ATAD2: variants seen among roughly 807,000 people sequenced by gnomAD.
The protein encoded by ATAD2 is ATPase family AAA domain containing 2, also known as ATPase family AAA domain-containing protein 2.
A neutral mutation model predicts 168.9 loss-of-function variants in ATAD2; 62 were observed. The observed-to-expected ratio is 0.37, with a 90% CI of 0.30 to 0.45. ATAD2 has a LOEUF of 0.45. ATAD2 is among the 20% of genes least tolerant of loss of function. The pLI is 1.00. For synonymous variants in ATAD2, 613 were observed against 571.6 expected (o/e 1.07, Z -1.03); for missense variants, 1,419 against 1,667.8 (o/e 0.85, Z 2.60).
In ATAD2 at chr8:123,380,345, G is replaced by A. The variant is rs549822077; in HGVS notation, c.320+184C>T. Among the ~76,000 whole-genome samples, 7 of 152,228 alleles carry A rather than the reference G, an allele frequency of 4.6e-5. No individual in the cohort carries two copies. The East Asian group carries it at 1.4e-3, about 29-fold the overall frequency. ...TGGGATTACAGGTGTGAGCCACCGT[G>A]CCTGGCCACGTATTAATTTTTAATT... On this transcript the variant is annotated intron_variant, in intron 2 of 27. Coordinates refer to ENST00000287394, the MANE Select transcript of ATAD2 (RefSeq NM_014109.4).
In ATAD2 at chr8:123,359,960, G is replaced by A. The variant is rs958662225; in HGVS notation, c.1158-275C>T. The stretch of plus-strand genomic sequence containing the variant: ...AGGCACCATAAAGTGATTCACGGTG[G>A]TGAAATCAGACAGTACTAACCTACA... On this transcript the variant is annotated intron_variant, in intron 9 of 27. Coordinates refer to ENST00000287394, the MANE Select transcript of ATAD2 (RefSeq NM_014109.4). Among the ~76,000 whole-genome samples, 13 of 152,244 alleles carry A rather than the reference G, an allele frequency of 8.5e-5. 1 individual carries two copies. The highest frequency in any genetic ancestry group is 2.6e-4 in the Admixed American group (4 of 15,286).
chr8:123,337,744 G>A lies in ATAD2; in HGVS notation c.2932C>T (p.Leu978=), dbSNP rs1367146087. 1.9e-6 allele frequency: 3 copies of A among 1,613,492 alleles called. No individual in the cohort carries two copies. The Admixed American group carries it at 5.0e-5, about 27-fold the overall frequency. The change falls in exon 21 of 28, where the codon CTA becomes TTA. Residue 978 remains leucine, a synonymous_variant. Transcript: ENST00000287394. The part of the protein sequence containing the change: ...RSLTAEEVKR[L]EEQEEDTFRE... ...AATGTATCTTCTTCTTGTTCTTCTA[G>A]TCGTTTCACTTCTTCTGCTGTCAGT...
intron 8 of ATAD2, among the ~76,000 whole-genome samples, chr8:123,362,159 G>A (rs575552531): frequency 1.3e-5 from 2 of 152,212 alleles, no homozygotes; most frequent in South Asian, 4.2e-4. Context: ...AGGTATGGTT[G>A]TAGCACATCT....
intron 12 of ATAD2, 97 bp downstream of exon 12, chr8:123,357,465 A>C: frequency 1.7e-6 from 2 of 1,192,394 alleles, no homozygotes; most frequent in Non-Finnish European, 2.2e-6. Context: ...TTCTGGGTTT[A>C]TTTAGAACAC....
At position 123,346,744 on chromosome 8, in the gene ATAD2, G is replaced by T; in HGVS notation, c.2219C>A (p.Ser740Tyr). Residue 740 changes from serine (S) to tyrosine (Y), a missense_variant, in exon 17 of 28, where the codon TCT becomes TAT. Physicochemically the swap from Ser to Tyr is moderately radical, Grantham distance 144. This residue lies in a region of ATAD2 where 545 missense variants were observed against 724.9 expected (regional missense o/e 0.75). Transcript: ENST00000287394. ...CAAGTCACTTTCTAGCAGAGGACAAGAAATATCTATAAAACCAAAAAATTG... is the reference window on the plus strand; with the variant it reads ...CAAGTCACTTTCTAGCAGAGGACAATAAATATCTATAAAACCAAAAAATTG... Reference protein sequence around the residue: ...RTNKTLDSDISCPLLESDLAY... With the variant: ...RTNKTLDSDIYCPLLESDLAY... The T allele has an allele frequency of 6.3e-7, 1 of 1,582,520 alleles. No homozygotes were observed. The highest frequency in any genetic ancestry group is 8.5e-7 in the Non-Finnish European group (1 of 1,171,270).
chr8:123,379,887 A>ATTTTTTTTT (rs769102696), intron 2 of ATAD2, among the ~76,000 whole-genome samples: 1 of 127,546 alleles, frequency 7.8e-6, no homozygotes, highest in African/African-American at 2.8e-5. Context: ...TATTATTATT[A>ATTTTTTTTT]TTATTTTTTT....
chr8:123,375,353 G>A (rs1829274741), intron 2 of ATAD2, among the ~76,000 whole-genome samples: 1 of 152,196 alleles, frequency 6.6e-6, no homozygotes, highest in East Asian at 1.9e-4. Context: ...CTGTTAAAAT[G>A]GCGAACACCA....
At chr8:123,354,864 A>AATATATATATATAT (rs1251736641) in intron 13 of ATAD2, among the ~76,000 whole-genome samples, 48 of 64,702 alleles carry the variant, frequency 7.4e-4, no homozygotes, top group African/African-American at 3.7e-3. Flanking sequence ...AAAAAAAAAA[A>AATATATATATATAT]ATATATATAT....
At chr8:123,324,937 T>A (rs1175625235) in intron 26 of ATAD2, among the ~76,000 whole-genome samples, 7 of 152,046 alleles carry the variant, frequency 4.6e-5, no homozygotes, top group African/African-American at 1.4e-4. Context: ...GGGCCAGGCA[T>A]GGTGGCTCAT....
At chr8:123,326,764 C>A (rs985572745) in intron 25 of ATAD2, among the ~76,000 whole-genome samples, 1 of 152,082 alleles carries the variant, frequency 6.6e-6, no homozygotes, top group East Asian at 1.9e-4. Flanking sequence ...TCACAGAGAC[C>A]AAGATTGTAT....
chr8:123,390,920 TGAGGCAGGAGAATTGCTTGAATCCAC>T (rs1829809207), intron 1 of ATAD2, among the ~76,000 whole-genome samples: 1 of 152,006 alleles, frequency 6.6e-6, no homozygotes, highest in Non-Finnish European at 1.5e-5. Flanking sequence ...CTCCGGAGGC[TGAGGCAGGAGAATTGCTTGAATCCAC>T]GAGGCAGAGG....
intron 17 of ATAD2, 34 bp from the exon 18 acceptor site, chr8:123,346,306 G>A: frequency 1.3e-6 from 2 of 1,506,520 alleles, no homozygotes; most frequent in African/African-American, 1.4e-5. Context: ...CTATGTTTTA[G>A]AAAAAACAGT....
In ATAD2 at chr8:123,344,344, C is replaced by CTT. The variant is rs764379399; in HGVS notation, c.2718+538_2718+539dup. Among the ~76,000 whole-genome samples the CTT allele has an allele frequency of 1.9e-3, 245 of 125,830 alleles. 3 individuals carry two copies. Among genetic ancestry groups the CTT allele is most frequent in the African/African-American group, 2.4e-3 (78 of 32,086 alleles). 82.5% of individuals were successfully genotyped at this position (125,830 alleles called of 152,430 possible). Reference sequence around the variant, plus strand: ...ATCATATACTCCCATTTTTTAAATACTTTTTTTTTTTTTTTTTTTTTGAGA... The same window carrying CTT: ...ATCATATACTCCCATTTTTTAAATACTTTTTTTTTTTTTTTTTTTTTTTGAGA... On this transcript the variant is annotated intron_variant, in intron 19 of 27. Coordinates refer to ENST00000287394, the MANE Select transcript of ATAD2 (RefSeq NM_014109.4).
Position 123,396,380 on chromosome 8 carries a change from C to T in ATAD2, c.-23G>A. On this transcript the variant is annotated 5_prime_UTR_variant, in exon 1 of 28. Transcript: ENST00000287394. ...CATCTTCTCTCCCTACTGGCCTCGG[C>T]GTGCGCGACCGGAGAGAGATCCAGC... is the stretch of plus-strand genomic sequence containing the variant. 1.3e-6 allele frequency: 2 copies of T among 1,542,520 alleles called. No homozygotes were observed. The highest frequency in any genetic ancestry group is 1.7e-6 in the Non-Finnish European group (2 of 1,145,370).
At chr8:123,371,885 A>G (rs1829160354) in intron 3 of ATAD2, 50 bp from the exon 4 acceptor site, 2 of 1,406,178 alleles carry the variant, frequency 1.4e-6, no homozygotes. Context: ...AAATAATAGT[A>G]TTTATAAAAC....
intron 1 of ATAD2, among the ~76,000 whole-genome samples, chr8:123,406,687 C>T (rs1813071751): frequency 6.6e-6 from 1 of 151,706 alleles, no homozygotes; most frequent in African/African-American, 2.4e-5. Flanking sequence ...CGTTGTGGTG[C>T]ACGCCAGTAC....
chr8:123,375,677 A>G (rs1323752806), intron 2 of ATAD2, among the ~76,000 whole-genome samples: 1 of 152,234 alleles, frequency 6.6e-6, no homozygotes, highest in Non-Finnish European at 1.5e-5. Context: ...TTATTCAACA[A>G]TAAGAAGTAC....
At position 123,347,389 on chromosome 8, in the gene ATAD2, T is replaced by C. The variant is rs1323725164; in HGVS notation, c.1915A>G (p.Ile639Val). The change falls in exon 16 of 28, where the codon ATT becomes GTT. Residue 639 changes from isoleucine to valine, a missense_variant. Physicochemically the swap from Ile to Val is conservative, Grantham distance 29. Transcript: ENST00000287394. ...GCAGCTTCAGCACATATTGATTTAA[T>C]ATCTGCTCCACAGTATCCTATCCAA... The part of the protein sequence containing the change: ...ENCVGYCGAD[I>V]KSICAEAALC... 17 of 1,611,962 alleles carry C rather than the reference T, an allele frequency of 1.1e-5. No individual in the cohort carries two copies. Among genetic ancestry groups the C allele is most frequent in the Non-Finnish European group, 1.4e-5 (17 of 1,179,126 alleles).
Position 123,408,913 on chromosome 8 carries a change from C to T in ATAD2, c.-2282+7335G>A, listed in dbSNP as rs543550461. ...CGCCATCTCAGCTCACTGCAACCTC[C>T]GCCTCCCAAGTTCAAGCGATTCTCG... On this transcript the variant is annotated intron_variant, in intron 1 of 28. Transcript: ENST00000521903. 2.6e-5 allele frequency among the ~76,000 whole-genome samples: 4 copies of T among 152,108 alleles called. No individual in the cohort carries two copies. In the South Asian group the frequency reaches 8.3e-4, roughly 32 times the overall value.
Sources: gnomAD v4.1 joint callset for allele counts (sites outside exome capture counted in the v4.1 genomes callset) on GRCh38, gnomAD v4.1.1 for gene constraint, gnomAD v4.1.1 regional missense constraint, MANE v1.5 for transcripts, NCBI Gene and HGNC (gene_info 2026-07-23, HGNC 2026-07-21) for gene names.